TUBA1C: variants seen among roughly 807,000 people sequenced by gnomAD.
The protein encoded by TUBA1C is tubulin alpha 1c.
TUBA1C carries 16 observed loss-of-function variants against 34.9 expected under a neutral mutation model. That is an observed-to-expected ratio of 0.46 (90% confidence interval 0.31 to 0.70). The LOEUF (loss-of-function observed/expected upper bound fraction) is 0.70. Ranked by LOEUF, TUBA1C falls within the 30% of genes least tolerant of loss-of-function variation. The pLI is 0.05. For missense variants in TUBA1C, 329 were observed against 587.3 expected (o/e 0.56, Z 4.55); for synonymous variants, 177 against 215.9 (o/e 0.82, Z 1.58).
upstream of TUBA1C, among the ~76,000 whole-genome samples, chr12:49,262,279 T>C (rs1942847944): frequency 6.7e-6 from 1 of 148,978 alleles, no homozygotes; most frequent in East Asian, 2.0e-4. Context: ...TAGCCAGGCA[T>C]GGTAGCACAC....
intron 1 of TUBA1C, chr12:49,233,136 GA>G (rs946221030): frequency 2.6e-5 from 4 of 152,278 alleles, no homozygotes; most frequent in Non-Finnish European, 5.9e-5. Context: ...TGCCGCCGGG[GA>G]GGCTCAAAGC....
At chr12:49,261,530 A>G (rs1942840423), upstream of TUBA1C, among the ~76,000 whole-genome samples, 1 of 152,238 alleles carries the variant, frequency 6.6e-6, no homozygotes, top group Non-Finnish European at 1.5e-5. Flanking sequence ...TATTTTCCAC[A>G]GTTCCATAAT....
intron 1 of TUBA1C, among the ~76,000 whole-genome samples, chr12:49,243,319 G>C (rs1174252865): frequency 6.6e-6 from 1 of 152,028 alleles, no homozygotes; most frequent in Non-Finnish European, 1.5e-5. Context: ...CGCGCGCCTG[G>C]AGTCCCAGCT....
chr12:49,232,219 G>A (rs1409970914), intron 1 of TUBA1C, among the ~76,000 whole-genome samples: 1 of 152,198 alleles, frequency 6.6e-6, no homozygotes, highest in Non-Finnish European at 1.5e-5. Flanking sequence ...GCTGTGTGAA[G>A]GGAATGAAGC....
At chr12:49,257,754 G>C (rs1178958892) in intron 1 of TUBA1C, 1 of 153,306 alleles carries the variant, frequency 6.5e-6, no homozygotes, top group East Asian at 1.9e-4. Context: ...ACCCCAGCCT[G>C]GGTGACAGAG....
chr12:49,241,811 G>A (rs913930261), intron 1 of TUBA1C, among the ~76,000 whole-genome samples: 12 of 151,464 alleles, frequency 7.9e-5, no homozygotes, highest in African/African-American at 2.2e-4. Context: ...CGACACGCCC[G>A]GCTAATTTTT....
intron 1 of TUBA1C, among the ~76,000 whole-genome samples, chr12:49,228,567 A>T (rs563658421): frequency 6.6e-6 from 1 of 152,244 alleles, no homozygotes; most frequent in Non-Finnish European, 1.5e-5. Flanking sequence ...TACATGCATG[A>T]ATACAGGCTA....
chr12:49,244,169 A>C (rs1174890024), intron 1 of TUBA1C, among the ~76,000 whole-genome samples: 1 of 152,078 alleles, frequency 6.6e-6, no homozygotes, highest in East Asian at 1.9e-4. Flanking sequence ...AAAAAAAGAA[A>C]AAAAAATCTG....
intron 1 of TUBA1C, among the ~76,000 whole-genome samples, chr12:49,249,864 C>CAATAAT (rs767535451): frequency 6.6e-6 from 1 of 150,682 alleles, no homozygotes; most frequent in African/African-American, 2.4e-5. Context: ...ACATTGTCTC[C>CAATAAT]AATAATAATA....
At chr12:49,251,768 G>A (rs1277214864) in intron 1 of TUBA1C, among the ~76,000 whole-genome samples, 4 of 147,178 alleles carry the variant, frequency 2.7e-5, no homozygotes, top group African/African-American at 7.5e-5. Context: ...AGCGAGACTC[G>A]GTATTTAAAA....
chr12:49,268,071 T>A (rs1457435236), intron 1 of TUBA1C, among the ~76,000 whole-genome samples: 1 of 152,138 alleles, frequency 6.6e-6, no homozygotes, highest in Non-Finnish European at 1.5e-5. Flanking sequence ...TTGGTCCACC[T>A]CATAAATATA....
At chr12:49,235,459 G>A (rs1942544346) in intron 1 of TUBA1C, among the ~76,000 whole-genome samples, 2 of 152,060 alleles carry the variant, frequency 1.3e-5, no homozygotes, top group African/African-American at 4.8e-5. Flanking sequence ...ACCAGGCTGG[G>A]CGCAGTGGCT....
chr12:49,235,472 C>A (rs1308218858), intron 1 of TUBA1C, among the ~76,000 whole-genome samples: 1 of 152,050 alleles, frequency 6.6e-6, no homozygotes, highest in Non-Finnish European at 1.5e-5. Flanking sequence ...CAGTGGCTCA[C>A]ACCTGTAATC....
intron 1 of TUBA1C, among the ~76,000 whole-genome samples, chr12:49,246,181 C>A (rs1452804386): frequency 6.7e-6 from 1 of 150,076 alleles, no homozygotes; most frequent in African/African-American, 2.4e-5. Flanking sequence ...GATAAGATTA[C>A]AGGCGTGAGC....
chr12:49,263,930 C>G (rs1418954375), upstream of TUBA1C, among the ~76,000 whole-genome samples: 1 of 152,028 alleles, frequency 6.6e-6, no homozygotes, highest in African/African-American at 2.4e-5. Context: ...TATGAAAAGC[C>G]AACTACTCGG....
intron 1 of TUBA1C, among the ~76,000 whole-genome samples, chr12:49,234,735 C>T (rs187239848): frequency 6.6e-6 from 1 of 152,256 alleles, no homozygotes; most frequent in Non-Finnish European, 1.5e-5. Flanking sequence ...TATCGCTGTC[C>T]GCGAAAGTTT....
At chr12:49,231,713 C>G (rs138256667) in intron 1 of TUBA1C, among the ~76,000 whole-genome samples, 1 of 148,504 alleles carries the variant, frequency 6.7e-6, no homozygotes, top group Non-Finnish European at 1.5e-5. Context: ...GACAGACAGA[C>G]AGACAGATAG....
At chr12:49,239,317 A>G (rs1942588373) in intron 1 of TUBA1C, among the ~76,000 whole-genome samples, 1 of 152,124 alleles carries the variant, frequency 6.6e-6, no homozygotes, top group Non-Finnish European at 1.5e-5. Flanking sequence ...ACCAAAATAT[A>G]TACATCATAA....
chr12:49,249,169 T>A (rs1565642710), intron 1 of TUBA1C, among the ~76,000 whole-genome samples: 2 of 152,222 alleles, frequency 1.3e-5, no homozygotes, highest in Non-Finnish European at 2.9e-5. Context: ...GGCTCATGCC[T>A]GTAATCCCAG....
Sources: allele counts gnomAD v4.1 joint callset (sites outside exome capture counted in the v4.1 genomes callset), GRCh38; gene constraint gnomAD v4.1.1; transcripts MANE v1.5; gene names NCBI Gene and HGNC (gene_info 2026-07-23, HGNC 2026-07-21).